The following ERC1 variants were observed in gnomAD, a reference collection of about 807,000 sequenced individuals.
The protein encoded by ERC1 is ELKS/RAB6-interacting/CAST family member 1.
Under a neutral mutation model 132.0 loss-of-function variants are expected in ERC1, and 56 were observed. The ratio of observed to expected loss-of-function variants is 0.42; its 90% CI spans 0.34 to 0.53. ERC1 has a LOEUF of 0.53. Among genes scored for constraint, ERC1 ranks in the 20% least tolerant of loss-of-function variants. ERC1 has a pLI of 0.03. For missense variants in ERC1, 1,202 were observed against 1,349.9 expected (o/e 0.89, Z 1.72); for synonymous variants, 478 against 476.1 (o/e 1.00, Z -0.05).
intron 13 of ERC1, among the ~76,000 whole-genome samples, chr12:1,253,705 A>C: frequency 6.6e-6 from 1 of 152,092 alleles, no homozygotes. Flanking sequence ...TGGAGGGTAG[A>C]GTCTTACAGC....
At chr12:1,096,044 G>A (rs929950980) in intron 3 of ERC1, among the ~76,000 whole-genome samples, 6 of 151,386 alleles carry the variant, frequency 4.0e-5, no homozygotes, top group Admixed American at 1.3e-4. Context: ...TCCTGCCTCA[G>A]CCCCCGCAAG....
intron 12 of ERC1, among the ~76,000 whole-genome samples, chr12:1,198,835 A>G (rs1956587521): frequency 1.3e-5 from 2 of 152,034 alleles, no homozygotes; most frequent in African/African-American, 4.8e-5. Context: ...TCTTGTGAGA[A>G]CTCTGTCACA....
At chr12:1,204,881 G>C (rs1450148261) in intron 12 of ERC1, among the ~76,000 whole-genome samples, 1 of 152,090 alleles carries the variant, frequency 6.6e-6, no homozygotes, top group African/African-American at 2.4e-5. Flanking sequence ...ATGATGGAGG[G>C]AAAGTCACAA....
At chr12:1,362,901 G>A (rs747533446) in intron 15 of ERC1, among the ~76,000 whole-genome samples, 3 of 152,096 alleles carry the variant, frequency 2.0e-5, no homozygotes, top group Non-Finnish European at 4.4e-5. Flanking sequence ...GTTAAAAAAC[G>A]TGCTTATACT....
At chr12:1,101,071 A>G (rs904540051) in intron 3 of ERC1, among the ~76,000 whole-genome samples, 4 of 152,178 alleles carry the variant, frequency 2.6e-5, no homozygotes, top group Non-Finnish European at 5.9e-5. Context: ...CTAAGGATGC[A>G]TCATGGGTGC....
At chr12:1,064,376 A>T (rs1938673678) in intron 2 of ERC1, among the ~76,000 whole-genome samples, 1 of 151,942 alleles carries the variant, frequency 6.6e-6, no homozygotes, top group African/African-American at 2.4e-5. Flanking sequence ...TGTTTTCAGA[A>T]TATTCTTTTT....
intron 8 of ERC1, among the ~76,000 whole-genome samples, chr12:1,163,296 A>G (rs1952049801): frequency 6.6e-6 from 1 of 152,168 alleles, no homozygotes; most frequent in South Asian, 2.1e-4. Flanking sequence ...AAATCTTTTA[A>G]TTATGATATG....
chr12:992,737 C>T (rs937673466), intron 1 of ERC1, among the ~76,000 whole-genome samples: 1 of 152,168 alleles, frequency 6.6e-6, no homozygotes, highest in Admixed American at 6.5e-5. Context: ...TGTTAGATTA[C>T]AGTATTCTCT....
In ERC1 at chr12:1,059,395, G is replaced by A. The variant is rs532698052; in HGVS notation, c.670-23769G>A. On this transcript the variant is annotated intron_variant, in intron 2 of 18. Transcript: ENST00000360905. ...GTTGAGTAAGAATGGTGAAAAGTTG[G>A]CATACTTGTCTGGTTCTAGTTCTTA... 2.6e-5 allele frequency among the ~76,000 whole-genome samples: 4 copies of A among 152,198 alleles called. No homozygotes were observed. In the South Asian group the frequency reaches 6.2e-4, roughly 24 times the overall value.
intron 15 of ERC1, among the ~76,000 whole-genome samples, chr12:1,363,543 CTTTTTTTTTTTTT>C (rs34769986): frequency 7.4e-5 from 7 of 94,336 alleles, no homozygotes; most frequent in Non-Finnish European, 1.5e-4. Flanking sequence ...TATTTCTTTC[CTTTTTTTTTTTTT>C]TTTTTTTTTT....
At chr12:1,026,087 C>T (rs546810928) in intron 1 of ERC1, among the ~76,000 whole-genome samples, 7 of 152,302 alleles carry the variant, frequency 4.6e-5, no homozygotes, top group African/African-American at 1.7e-4. Context: ...TAAGCCACTG[C>T]ACCCTGCCAG....
At chr12:1,334,822 G>A (rs541963268) in intron 15 of ERC1, among the ~76,000 whole-genome samples, 3 of 152,166 alleles carry the variant, frequency 2.0e-5, no homozygotes, top group African/African-American at 7.2e-5. Flanking sequence ...GCTTTGTTCA[G>A]TGTGGCCATT....
At chr12:1,387,635 G>T (rs2089516263) in intron 16 of ERC1, among the ~76,000 whole-genome samples, 1 of 152,202 alleles carries the variant, frequency 6.6e-6, no homozygotes, top group South Asian at 2.1e-4. Context: ...GCAGAGATTA[G>T]ACTGGGTGGC....
intron 17 of ERC1, among the ~76,000 whole-genome samples, chr12:1,440,140 GT>G (rs1363646718): frequency 1.4e-5 from 2 of 148,092 alleles, no homozygotes; most frequent in African/African-American, 5.0e-5. Context: ...TGTAAAATGA[GT>G]TTTTATCCCG....
intron 18 of ERC1, among the ~76,000 whole-genome samples, chr12:1,488,134 G>A (rs1294587187): frequency 2.2e-5 from 3 of 133,638 alleles, no homozygotes; most frequent in Admixed American, 7.6e-5. Flanking sequence ...CGAGACTCAC[G>A]TCTCAGAAAA....
intron 2 of ERC1, among the ~76,000 whole-genome samples, chr12:1,033,559 G>C (rs1968484613): frequency 6.6e-6 from 1 of 151,990 alleles, no homozygotes; most frequent in Non-Finnish European, 1.5e-5. Context: ...TGCCTCCCGG[G>C]TTCAAGCGAT....
intron 15 of ERC1, among the ~76,000 whole-genome samples, chr12:1,342,897 C>A (rs1032567119): frequency 1.3e-5 from 2 of 152,150 alleles, no homozygotes; most frequent in African/African-American, 4.8e-5. Flanking sequence ...TCAGGAAGAT[C>A]GTGCTGACCC....
chr12:1,240,761 C>T (rs2075737318), intron 13 of ERC1, among the ~76,000 whole-genome samples: 2 of 151,932 alleles, frequency 1.3e-5, no homozygotes, highest in South Asian at 4.2e-4. Context: ...AAAAATTAAT[C>T]CATAATATAT....
intron 8 of ERC1, among the ~76,000 whole-genome samples, chr12:1,161,646 C>G (rs921418695): frequency 9.9e-5 from 15 of 152,120 alleles, no homozygotes; most frequent in Non-Finnish European, 1.9e-4. Context: ...CAATCAAAAA[C>G]TGTAGAAATT....
Sources: gnomAD v4.1 joint callset for allele counts (sites outside exome capture counted in the v4.1 genomes callset) on GRCh38, gnomAD v4.1.1 for gene constraint, MANE v1.5 for transcripts, NCBI Gene and HGNC (gene_info 2026-07-23, HGNC 2026-07-21) for gene names.